Variants in TENM3 observed in about 807,000 individuals in gnomAD.
TENM3 encodes teneurin transmembrane protein 3, also known as teneurin-3.
In TENM3, 63 loss-of-function variants were observed where a neutral mutation model predicts 255.1. That is an observed-to-expected ratio of 0.25 (90% CI 0.20 to 0.30). The LOEUF (loss-of-function observed/expected upper bound fraction) is 0.30, where lower values mean the gene tolerates loss of function less well. Ranked by LOEUF, TENM3 falls within the 10% of genes least tolerant of loss-of-function variation. The pLI is 1.00. For missense variants in TENM3, 2,929 were observed against 3,461.1 expected (o/e 0.85, Z 3.86); for synonymous variants, 1,306 against 1,322.3 (o/e 0.99, Z 0.27).
the TENM3 span, among the ~76,000 whole-genome samples, chr4:182,052,834 T>G: frequency 2.6e-5 from 4 of 152,154 alleles, no homozygotes; most frequent in Non-Finnish European, 5.9e-5. Context: ...ATAAATATTT[T>G]TATACGTGGG....
chr4:182,688,432 A>C, intron 12 of TENM3, 81 bp downstream of exon 12: 1 of 1,142,826 alleles, frequency 8.8e-7, no homozygotes, highest in East Asian at 3.0e-5. Flanking sequence ...ACTTGGAAAA[A>C]GCCTATTTCT....
At chr4:181,717,650 G>C in the TENM3 span, among the ~76,000 whole-genome samples, 1 of 152,184 alleles carries the variant, frequency 6.6e-6, no homozygotes, top group Admixed American at 6.5e-5. Context: ...GTAGGGAATA[G>C]CACAGTAACC....
At chr4:182,288,097 C>CGGCTA (rs1463474868) in intron 1 of TENM3, among the ~76,000 whole-genome samples, 1 of 151,852 alleles carries the variant, frequency 6.6e-6, no homozygotes, top group Non-Finnish European at 1.5e-5. Context: ...ACCACCACAC[C>CGGCTA]GGCTAATTTT....
the TENM3 span, among the ~76,000 whole-genome samples, chr4:181,595,444 A>C: frequency 1.2e-3 from 155 of 129,516 alleles, 4 homozygotes; most frequent in Middle Eastern, 4.4e-3. Flanking sequence ...AAAAAAAAAA[A>C]AAAAAAAAAA....
chr4:182,627,336 C>T (rs1206141893), intron 4 of TENM3, among the ~76,000 whole-genome samples: 1 of 152,088 alleles, frequency 6.6e-6, no homozygotes, highest in Non-Finnish European at 1.5e-5. Context: ...TTCAGTAACT[C>T]GCCAGGGACA....
At chr4:182,385,334 C>T (rs1767841995) in intron 3 of TENM3, among the ~76,000 whole-genome samples, 1 of 147,098 alleles carries the variant, frequency 6.8e-6, no homozygotes, top group African/African-American at 2.6e-5. Context: ...GCACGATCTC[C>T]ACTCACTGCA....
At chr4:181,953,422 C>T in the TENM3 span, among the ~76,000 whole-genome samples, 2 of 152,118 alleles carry the variant, frequency 1.3e-5, no homozygotes, top group East Asian at 3.9e-4. Flanking sequence ...CCCACACAAA[C>T]ACACACACAT....
chr4:181,926,682 T>G, the TENM3 span, among the ~76,000 whole-genome samples: 1 of 152,102 alleles, frequency 6.6e-6, no homozygotes, highest in African/African-American at 2.4e-5. Flanking sequence ...CTTATAACTT[T>G]TTAAATGGCA....
chr4:182,195,023 TCACACACACACACACACACACACA>T (rs70954299), intron 1 of TENM3, among the ~76,000 whole-genome samples: 7 of 146,976 alleles, frequency 4.8e-5, no homozygotes, highest in African/African-American at 1.8e-4. Flanking sequence ...ACAGTCTCTA[TCACACACACACACACACACACACA>T]CACACACACA....
chr4:181,504,105 G>T, the TENM3 span, among the ~76,000 whole-genome samples: 1 of 152,206 alleles, frequency 6.6e-6, no homozygotes, highest in Non-Finnish European at 1.5e-5. Context: ...CAGGGGGCTG[G>T]GAGTTGTTAG....
chr4:181,993,872 T>A, the TENM3 span, among the ~76,000 whole-genome samples: 2 of 152,128 alleles, frequency 1.3e-5, no homozygotes, highest in Non-Finnish European at 2.9e-5. Context: ...ACAGAATTTT[T>A]AATTTTTTAA....
At chr4:182,419,804 G>A (rs1308819752) in intron 3 of TENM3, among the ~76,000 whole-genome samples, 1 of 151,124 alleles carries the variant, frequency 6.6e-6, no homozygotes, top group Non-Finnish European at 1.5e-5. Context: ...CTCACTCATA[G>A]GTGGGAACTG....
chr4:182,073,453 C>A, the TENM3 span, among the ~76,000 whole-genome samples: 1 of 152,080 alleles, frequency 6.6e-6, no homozygotes, highest in African/African-American at 2.4e-5. Flanking sequence ...GAGCCCTGAC[C>A]AGAAACTAAC....
chr4:182,174,533 A>ACACACAC (rs775310288), intron 1 of TENM3, among the ~76,000 whole-genome samples: 12 of 106,460 alleles, frequency 1.1e-4, no homozygotes, highest in Middle Eastern at 4.5e-3. Flanking sequence ...CACACACACA[A>ACACACAC]ACACACACTT....
intron 3 of TENM3, among the ~76,000 whole-genome samples, chr4:182,566,959 T>C (rs1743849360): frequency 6.6e-6 from 1 of 152,210 alleles, no homozygotes; most frequent in Non-Finnish European, 1.5e-5. Flanking sequence ...CCATATTCTT[T>C]ACTATAATGA....
chr4:181,668,198 C>A, the TENM3 span, among the ~76,000 whole-genome samples: 1 of 152,132 alleles, frequency 6.6e-6, no homozygotes, highest in Non-Finnish European at 1.5e-5. Context: ...CACACACATA[C>A]AATGTGTTCA....
the TENM3 span, among the ~76,000 whole-genome samples, chr4:181,504,651 G>A: frequency 6.6e-6 from 1 of 152,124 alleles, no homozygotes; most frequent in Non-Finnish European, 1.5e-5. Flanking sequence ...ATAGGCTTCA[G>A]GGGCACAGGC....
chr4:181,951,506 G>A, the TENM3 span, among the ~76,000 whole-genome samples: 1 of 152,166 alleles, frequency 6.6e-6, no homozygotes, highest in East Asian at 1.9e-4. Context: ...ATTAAGACTT[G>A]CAGTTCATTC....
chr4:182,446,530 C>A (rs546729297), intron 3 of TENM3, among the ~76,000 whole-genome samples: 2 of 152,058 alleles, frequency 1.3e-5, no homozygotes, highest in Non-Finnish European at 2.9e-5. Flanking sequence ...TTTCTGCATT[C>A]GAACGTTCTA....
Sources: gnomAD v4.1 joint callset for allele counts (sites outside exome capture counted in the v4.1 genomes callset) on GRCh38, gnomAD v4.1.1 for gene constraint, MANE v1.5 for transcripts, NCBI Gene and HGNC (gene_info 2026-07-23, HGNC 2026-07-21) for gene names.